PRR14L: variants seen among roughly 807,000 people sequenced by gnomAD.
The protein encoded by PRR14L is proline rich 14 like.
PRR14L carries 80 observed loss-of-function variants against 155.0 expected under a neutral mutation model. That is an observed-to-expected ratio of 0.52 (90% CI 0.43 to 0.62). The LOEUF (loss-of-function observed/expected upper bound fraction) is 0.62, where lower values mean the gene tolerates loss of function less well. PRR14L is among the 20% of genes least tolerant of loss of function. PRR14L has a pLI of 0.00. For missense variants in PRR14L, 2,469 were observed against 2,548.0 expected (o/e 0.97, Z 0.67); for synonymous variants, 883 against 916.0 (o/e 0.96, Z 0.65).
At chr22:31,744,260 G>A (rs1194639538) in intron 1 of PRR14L, among the ~76,000 whole-genome samples, 1 of 151,850 alleles carries the variant, frequency 6.6e-6, no homozygotes, top group Non-Finnish European at 1.5e-5. Context: ...AGCCTCCTGA[G>A]TAGCTGGGAT....
chr22:31,742,524 G>T (rs190420533), intron 1 of PRR14L, among the ~76,000 whole-genome samples: 2 of 152,096 alleles, frequency 1.3e-5, no homozygotes, highest in East Asian at 3.9e-4. Flanking sequence ...ATGCCATCAC[G>T]CGTGGCTAAT....
intron 1 of PRR14L, among the ~76,000 whole-genome samples, chr22:31,745,546 G>A (rs532082373): frequency 6.6e-6 from 1 of 152,060 alleles, no homozygotes; most frequent in East Asian, 1.9e-4. Flanking sequence ...AAAGGATGAT[G>A]TAGAAATACA....
In PRR14L at chr22:31,685,801, C is replaced by A; in HGVS notation, c.6182G>T (p.Cys2061Phe). ...KNYKSPPANRCLETIFEEPKE... is the reference protein window; with the variant it reads ...KNYKSPPANRFLETIFEEPKE... ...GGGTTCCTCAAAGATGGTCTCTAAA[C>A]ACCTAAGGATGAAGCACGAAACAAT... is the stretch of plus-strand genomic sequence containing the variant. The change falls in exon 9 of 9, where the codon TGT (cysteine) becomes TTT (phenylalanine). Residue 2061 changes from cysteine to phenylalanine, a missense_variant and splice_region_variant. By Grantham distance (205) the Cys-to-Phe change is radical. Coordinates refer to ENST00000327423, the MANE Select transcript of PRR14L (RefSeq NM_173566.3). 1 of 1,551,300 alleles carries A rather than the reference C, an allele frequency of 6.4e-7. No individual in the cohort carries two copies.
In PRR14L at chr22:31,716,350, A is replaced by T; in HGVS notation, c.1489T>A (p.Phe497Ile). ...LTNPEDHKET[F>I]TNMSHPGGHS... ...CCACCAGGATGGCTCATATTAGTAA[A>T]AGTTTCTTTATGGTCCTCAGGGTTT... Residue 497 changes from phenylalanine (F) to isoleucine (I), a missense_variant, in exon 4 of 9, where the codon TTT becomes ATT. This residue lies in a region of PRR14L where 2,363 missense variants were observed against 2,371.6 expected (regional missense o/e 1.00). Coordinates refer to ENST00000327423, the MANE Select transcript of PRR14L (RefSeq NM_173566.3). 1 of 1,551,182 alleles carries T rather than the reference A, an allele frequency of 6.4e-7. No homozygotes were observed. Among genetic ancestry groups the T allele is most frequent in the African/African-American group, 1.4e-5 (1 of 73,116 alleles).
At chr22:31,708,357 C>T (rs2074602527) in intron 4 of PRR14L, among the ~76,000 whole-genome samples, 2 of 152,034 alleles carry the variant, frequency 1.3e-5, no homozygotes, top group South Asian at 2.1e-4. Flanking sequence ...GACAGAGTCT[C>T]ACTCTGTCGC....
rs1233456948 is a variant in PRR14L at position 31,747,051 on chromosome 22, G to A, written c.-52+2942C>T. Among the ~76,000 whole-genome samples, 7 of 151,918 alleles carry A rather than the reference G, an allele frequency of 4.6e-5. No individual in the cohort carries two copies. In the East Asian group the frequency reaches 1.2e-3, roughly 25 times the overall value. On this transcript the variant is annotated intron_variant, in intron 1 of 8. Transcript: ENST00000327423. ...GATCTCCTGACCTTGTGATCCGCCCGCCTCGGCCTCCCAAAGTGCTGGGAT... is the reference window on the plus strand; with the variant it reads ...GATCTCCTGACCTTGTGATCCGCCCACCTCGGCCTCCCAAAGTGCTGGGAT...
chr22:31,732,728 T>C (rs1277790554), intron 2 of PRR14L, among the ~76,000 whole-genome samples: 2 of 152,204 alleles, frequency 1.3e-5, no homozygotes, highest in South Asian at 4.1e-4. Flanking sequence ...TGCTGAGTCC[T>C]GTGAGTTTCA....
chr22:31,687,503 G>A (rs894684242), intron 8 of PRR14L, among the ~76,000 whole-genome samples: 15 of 151,464 alleles, frequency 9.9e-5, no homozygotes, highest in African/African-American at 3.4e-4. Context: ...ACAGGTGTGA[G>A]CCACCATGCC....
intron 7 of PRR14L, among the ~76,000 whole-genome samples, chr22:31,689,946 CT>C (rs1946875168): frequency 6.6e-6 from 1 of 151,530 alleles, no homozygotes; most frequent in African/African-American, 2.4e-5. Context: ...GAGATGGAGT[CT>C]TGCTCTGTTG....
Position 31,718,171 on chromosome 22 carries a change from G to A in PRR14L, c.548-880C>T, listed in dbSNP as rs189128987. Among the ~76,000 whole-genome samples the A allele has an allele frequency of 1.5e-3, 234 of 151,076 alleles. 2 individuals carry two copies. The highest frequency in any genetic ancestry group is 2.8e-3 in the Non-Finnish European group (188 of 67,674). On this transcript the variant is annotated intron_variant, in intron 3 of 8. Coordinates refer to ENST00000327423, the MANE Select transcript of PRR14L (RefSeq NM_173566.3). ...TCGAACTCCTGACCTCAGGTGACCC[G>A]CCTGCCTCGGCCTCCCAAAGTGCTG...
rs145000004 is a variant in PRR14L at position 31,711,951 on chromosome 22, C to T, written c.5756+132G>A. The T allele has an allele frequency of 3.4e-5, 28 of 822,134 alleles. No homozygotes were observed. In the East Asian group the frequency reaches 6.0e-4, roughly 18 times the overall value. The allele number at this position is 822,134 out of a possible 1,614,324, so 50.9% of individuals were successfully genotyped here. On this transcript the variant is annotated intron_variant, in intron 4 of 8. Transcript: ENST00000327423. Reference sequence around the variant, plus strand: ...ATTGGATTTTTCTCAGCAGAGATTTCGCAAGGTAAATAGAAAATGCAGACC... The same window carrying T: ...ATTGGATTTTTCTCAGCAGAGATTTTGCAAGGTAAATAGAAAATGCAGACC...
intron 7 of PRR14L, among the ~76,000 whole-genome samples, chr22:31,698,814 C>T (rs533275791): frequency 2.9e-4 from 44 of 150,724 alleles, no homozygotes; most frequent in African/African-American, 8.5e-4. Flanking sequence ...CCCAGCTACT[C>T]GGGAGGCTGA....
chr22:31,708,162 C>A (rs1003359802), intron 4 of PRR14L, among the ~76,000 whole-genome samples: 4 of 150,760 alleles, frequency 2.7e-5, no homozygotes, highest in Admixed American at 1.3e-4. Context: ...GAAAAAAAAA[C>A]AACAAAAACA....
intron 4 of PRR14L, among the ~76,000 whole-genome samples, chr22:31,706,957 G>C (rs2074595617): frequency 6.6e-6 from 1 of 152,012 alleles, no homozygotes; most frequent in South Asian, 2.1e-4. Context: ...GCTGAGGCAG[G>C]AGAATCGCTT....
At chr22:31,746,815 GAGACGGAGTCTCA>G (rs2074840945) in intron 1 of PRR14L, among the ~76,000 whole-genome samples, 1 of 46,204 alleles carries the variant, frequency 2.2e-5, no homozygotes, top group Non-Finnish European at 4.4e-5. Flanking sequence ...TTTTTTTTTT[GAGACGGAGTCTCA>G]CTCTGTTGCT....
chr22:31,696,626 G>T (rs2074536196), intron 7 of PRR14L, among the ~76,000 whole-genome samples: 1 of 152,122 alleles, frequency 6.6e-6, no homozygotes, highest in Non-Finnish European at 1.5e-5. Context: ...AATTGCTCTT[G>T]CAGGTCTCTC....
intron 4 of PRR14L, among the ~76,000 whole-genome samples, chr22:31,707,442 G>A (rs547418299): frequency 8.1e-4 from 123 of 152,222 alleles, no homozygotes; most frequent in Middle Eastern, 3.4e-3. Flanking sequence ...GTGCAGTGGC[G>A]TGATCTCGGC....
intron 3 of PRR14L, among the ~76,000 whole-genome samples, chr22:31,724,595 G>A (rs868181315): frequency 6.6e-6 from 1 of 152,046 alleles, no homozygotes; most frequent in South Asian, 2.1e-4. Flanking sequence ...AAGGGGTTTC[G>A]CCACATTGCC....
chr22:31,704,057 A>G lies in PRR14L; in HGVS notation c.5829-336T>C, dbSNP rs554290428. On this transcript the variant is annotated intron_variant, in intron 5 of 8. Transcript: ENST00000327423. ...GGTGATCCACCCGCACCGGCCTCCC[A>G]AAGTGCTGGGATTACAGGTGTGAGC... Among the ~76,000 whole-genome samples, 3 of 152,000 alleles carry G rather than the reference A, an allele frequency of 2.0e-5. No individual in the cohort carries two copies. The South Asian group carries it at 6.2e-4, about 32-fold the overall frequency.
Sources: gnomAD v4.1 joint callset for allele counts (sites outside exome capture counted in the v4.1 genomes callset) on GRCh38, gnomAD v4.1.1 for gene constraint, gnomAD v4.1.1 regional missense constraint, MANE v1.5 for transcripts, NCBI Gene and HGNC (gene_info 2026-07-23, HGNC 2026-07-21) for gene names.